Variants in NUP35 observed in about 807,000 individuals in gnomAD.
NUP35 encodes nucleoporin NUP35.
NUP35 carries 25 observed loss-of-function variants against 41.5 expected under a neutral mutation model. The observed-to-expected ratio is 0.60, with a 90% CI of 0.44 to 0.84. The LOEUF is 0.84. Ranked by LOEUF, NUP35 falls within the 40% of genes least tolerant of loss-of-function variation. The pLI is 0.00. For synonymous variants in NUP35, 149 were observed against 130.7 expected, an observed-to-expected ratio of 1.14 and a Z score of -0.96; for missense variants, 396 against 396.6, an observed-to-expected ratio of 1.00 and a Z score of 0.01.
chr2:183,128,401 G>C lies in NUP35; in HGVS notation c.155G>C (p.Arg52Pro), dbSNP rs765515641. ...CCAGCTCCGGTGACTCCACAACCTC[G>C]ATCAATTAGTGGCCCTTCAGTAGGA... ...DLPAPVTPQP[R>P]SISGPSVGVM... Residue 52 changes from arginine (R) to proline (P), a missense_variant, in exon 2 of 9, where the codon CGA becomes CCA. Transcript: ENST00000295119. 2 of 1,613,758 alleles carry C rather than the reference G, an allele frequency of 1.2e-6. No homozygotes were observed. Among genetic ancestry groups the C allele is most frequent in the Admixed American group, 1.7e-5 (1 of 59,988 alleles).
chr2:183,129,624 T>C (rs1015158417), intron 2 of NUP35, among the ~76,000 whole-genome samples: 6 of 152,226 alleles, frequency 3.9e-5, no homozygotes, highest in Non-Finnish European at 5.9e-5. Flanking sequence ...ATTTTGTCAA[T>C]CTTAAAGGGT....
chr2:183,152,975 C>T (rs1372014386), intron 5 of NUP35, among the ~76,000 whole-genome samples: 1 of 152,180 alleles, frequency 6.6e-6, no homozygotes, highest in Admixed American at 6.5e-5. Context: ...CTTAGGGTTC[C>T]ATGGCTGGAC....
chr2:183,133,548 T>A lies in NUP35; in HGVS notation c.340-18T>A. ...ATGTTTTGCATTTTTACCATAACAC[T>A]TTCTTCTGTTTGTGTAGCCAAACAT... is the stretch of plus-strand genomic sequence containing the variant. On this transcript the variant is annotated intron_variant, in intron 3 of 8. Transcript: ENST00000295119. 6.3e-7 allele frequency: 1 copy of A among 1,596,964 alleles called. No homozygotes were observed. The highest frequency in any genetic ancestry group is 8.5e-7 in the Non-Finnish European group (1 of 1,172,492).
At chr2:183,118,132 G>A (rs1045444542) in intron 1 of NUP35, among the ~76,000 whole-genome samples, 4 of 152,076 alleles carry the variant, frequency 2.6e-5, no homozygotes, top group Non-Finnish European at 5.9e-5. Flanking sequence ...GATAATCAAT[G>A]GTCTACAAAA....
At chr2:183,159,834 G>C (rs1559158543) in intron 8 of NUP35, 182 bp downstream of exon 8, 1 of 478,680 alleles carries the variant, frequency 2.1e-6, no homozygotes, top group Non-Finnish European at 3.6e-6. Flanking sequence ...CAATTGGAAA[G>C]TTATCATGAA....
intron 4 of NUP35, among the ~76,000 whole-genome samples, chr2:183,138,267 A>T (rs200617871): frequency 0.41 from 29,227 of 70,858 alleles, 4,166 homozygotes; most frequent in Non-Finnish European, 0.45. Context: ...ATATATATAT[A>T]TATTTTTTTT....
At chr2:183,118,024 C>G (rs986773583) in intron 1 of NUP35, among the ~76,000 whole-genome samples, 1 of 152,094 alleles carries the variant, frequency 6.6e-6, no homozygotes, top group Admixed American at 6.5e-5. Context: ...GGCAAGAACC[C>G]TTGTACTCTT....
intron 4 of NUP35, among the ~76,000 whole-genome samples, chr2:183,141,707 C>G (rs1375096973): frequency 6.6e-6 from 1 of 152,082 alleles, no homozygotes; most frequent in Non-Finnish European, 1.5e-5. Context: ...AGCAAACATT[C>G]TGCTGCTATG....
rs1685560267 is a variant in NUP35, at chr2:183,153,962, A to G, written c.539+2313A>G. Among the ~76,000 whole-genome samples, 2 of 152,216 alleles carry G rather than the reference A, an allele frequency of 1.3e-5. 1 individual carries two copies. The highest frequency in any genetic ancestry group is 4.8e-5 in the African/African-American group (2 of 41,460). On this transcript the variant is annotated intron_variant, in intron 5 of 8. Transcript: ENST00000295119. ...TCTGAAATCTAGGTGAAGGTTCCCA[A>G]ACCTCAATTCTTGACTTCTGTGCAC... is the stretch of plus-strand genomic sequence containing the variant.
chr2:183,145,051 G>T (rs1685233260), intron 4 of NUP35, among the ~76,000 whole-genome samples: 1 of 152,082 alleles, frequency 6.6e-6, no homozygotes, highest in Non-Finnish European at 1.5e-5. Flanking sequence ...AGAAAATTTG[G>T]ATTGGCTTCA....
At chr2:183,143,169 AAG>A (rs1553532101) in intron 4 of NUP35, among the ~76,000 whole-genome samples, 1 of 150,320 alleles carries the variant, frequency 6.7e-6, no homozygotes, top group Admixed American at 6.6e-5. Flanking sequence ...AAAAAAAAAA[AAG>A]AAAAGAAATA....
chr2:183,118,206 G>A (rs565081703), intron 1 of NUP35: 1 of 152,142 alleles, frequency 6.6e-6, no homozygotes, highest in Non-Finnish European at 1.5e-5. Context: ...TAGGAAACAG[G>A]TTCCATTTGA....
intron 1 of NUP35, chr2:183,117,696 GT>G (rs1363715235): frequency 6.6e-6 from 1 of 152,142 alleles, no homozygotes. Context: ...TAGACTGAGA[GT>G]GGGCTTTTAA....
At chr2:183,128,160 G>A in intron 1 of NUP35, 127 bp from the exon 2 acceptor site, 1 of 532,722 alleles carries the variant, frequency 1.9e-6, no homozygotes, top group Non-Finnish European at 3.1e-6. Flanking sequence ...TTCAACTATG[G>A]TTCTATTATA....
chr2:183,155,722 C>A (rs1028365009), intron 5 of NUP35, among the ~76,000 whole-genome samples: 7 of 152,068 alleles, frequency 4.6e-5, no homozygotes, highest in African/African-American at 7.2e-5. Flanking sequence ...CAGGCATGAG[C>A]CAGCTTGGCT....
intron 8 of NUP35, 113 bp from the exon 9 acceptor site, chr2:183,160,941 T>C: frequency 1.4e-6 from 1 of 718,052 alleles, no homozygotes; most frequent in South Asian, 1.8e-5. Flanking sequence ...ATTTACAATT[T>C]AGTGCTATAA....
chr2:183,139,807 C>G (rs1022720907), intron 4 of NUP35, among the ~76,000 whole-genome samples: 3 of 152,232 alleles, frequency 2.0e-5, no homozygotes, highest in Non-Finnish European at 2.9e-5. Context: ...AGGCATGCCA[C>G]CTTGCCAACA....
In NUP35 at chr2:183,131,010, C is replaced by T. The variant is rs750217702; in HGVS notation, c.339+465C>T. The T allele has an allele frequency of 3.8e-5, 34 of 906,526 alleles. No homozygotes were observed. The East Asian group carries it at 1.8e-3, about 47-fold the overall frequency. The allele number at this position is 906,526 out of a possible 1,614,324, so 56.2% of individuals were successfully genotyped here. A position where few individuals can be genotyped will look rare whatever the true frequency, so the allele number is the denominator to read the frequency against. On this transcript the variant is annotated intron_variant, in intron 3 of 8. Coordinates refer to ENST00000295119, the MANE Select transcript of NUP35 (RefSeq NM_138285.5). ...CTTTTTTTAGGGTCCCCAACAGGGT[C>T]CTGATCAGTTGCCCAGGCTAGAGTG... is the stretch of plus-strand genomic sequence containing the variant.
intron 4 of NUP35, among the ~76,000 whole-genome samples, chr2:183,137,943 T>C (rs1684938953): frequency 6.6e-6 from 1 of 152,054 alleles, no homozygotes; most frequent in Non-Finnish European, 1.5e-5. Context: ...TGTTAACTTA[T>C]TTTTTTCTAA....
Sources: gnomAD v4.1 joint callset for allele counts (sites outside exome capture counted in the v4.1 genomes callset) on GRCh38, gnomAD v4.1.1 for gene constraint, MANE v1.5 for transcripts, NCBI Gene and HGNC (gene_info 2026-07-23, HGNC 2026-07-21) for gene names.